Variants in STAG1 observed in about 807,000 individuals in gnomAD.
STAG1 encodes the protein cohesin subunit SA-1.
Under a neutral mutation model 170.9 loss-of-function variants are expected in STAG1, and 26 were observed. That is an observed-to-expected ratio of 0.15 (90% CI 0.11 to 0.21). STAG1 has a LOEUF of 0.21. Among genes scored for constraint, STAG1 ranks in the 10% least tolerant of loss-of-function variants. The pLI is 1.00. For synonymous variants in STAG1, 514 were observed against 497.7 expected (o/e 1.03, Z -0.44); for missense variants, 964 against 1,509.5 (o/e 0.64, Z 5.99).
intron 1 of STAG1, among the ~76,000 whole-genome samples, chr3:136,734,124 C>CA (rs1451738600): frequency 1.2e-4 from 17 of 143,044 alleles, no homozygotes; most frequent in South Asian, 2.2e-4. Context: ...AAAAAAAAAA[C>CA]AAAACAAAAC....
At chr3:136,693,279 C>T (rs1342275563) in intron 1 of STAG1, among the ~76,000 whole-genome samples, 2 of 152,168 alleles carry the variant, frequency 1.3e-5, no homozygotes, top group African/African-American at 2.4e-5. Context: ...ATTCCAACAC[C>T]GTGGCTGGTT....
intron 20 of STAG1, among the ~76,000 whole-genome samples, chr3:136,420,172 G>C (rs2087908750): frequency 6.6e-6 from 1 of 150,566 alleles, no homozygotes; most frequent in African/African-American, 2.4e-5. Context: ...ACTTAAGCCT[G>C]GAAGGCGGCA....
At chr3:136,365,330 C>G (rs1302634596) in intron 25 of STAG1, among the ~76,000 whole-genome samples, 1 of 152,050 alleles carries the variant, frequency 6.6e-6, no homozygotes, top group Non-Finnish European at 1.5e-5. Context: ...TCAAGTTGTT[C>G]CGAATTGAAT....
chr3:136,385,845 A>G (rs933076706), intron 22 of STAG1, among the ~76,000 whole-genome samples: 1 of 151,960 alleles, frequency 6.6e-6, no homozygotes, highest in Non-Finnish European at 1.5e-5. Context: ...GGGAATATAG[A>G]TGTGTGCTAC....
intron 4 of STAG1, among the ~76,000 whole-genome samples, chr3:136,578,251 T>G (rs1243219683): frequency 3.3e-5 from 5 of 152,078 alleles, no homozygotes; most frequent in Non-Finnish European, 7.4e-5. Flanking sequence ...CACTTAACCA[T>G]CAAAGACCAA....
At chr3:136,685,027 A>G (rs1426502417) in intron 1 of STAG1, among the ~76,000 whole-genome samples, 1 of 151,928 alleles carries the variant, frequency 6.6e-6, no homozygotes, top group Non-Finnish European at 1.5e-5. Context: ...AAAATTAAGA[A>G]CTCTTGGCTG....
At chr3:136,530,079 G>T (rs1271276933) in intron 6 of STAG1, among the ~76,000 whole-genome samples, 1 of 151,928 alleles carries the variant, frequency 6.6e-6, no homozygotes, top group Non-Finnish European at 1.5e-5. Context: ...AAGTGAGCAA[G>T]AACAGCTATA....
intron 13 of STAG1, among the ~76,000 whole-genome samples, chr3:136,458,514 G>A (rs2089183001): frequency 6.6e-6 from 1 of 151,972 alleles, no homozygotes; most frequent in South Asian, 2.1e-4. Context: ...TAATCACAAA[G>A]CAATGTCTAT....
chr3:136,399,910 T>C (rs1034512782), intron 21 of STAG1, among the ~76,000 whole-genome samples: 2 of 152,172 alleles, frequency 1.3e-5, no homozygotes, highest in African/African-American at 4.8e-5. Context: ...AATAAAACTT[T>C]CTGAAAAGAA....
chr3:136,664,766 G>A (rs1428026099), intron 1 of STAG1, among the ~76,000 whole-genome samples: 1 of 152,102 alleles, frequency 6.6e-6, no homozygotes, highest in Non-Finnish European at 1.5e-5. Flanking sequence ...CCAAGAGAAA[G>A]ACCTGTGGAT....
chr3:136,453,081 C>T (rs1254460369), intron 13 of STAG1, among the ~76,000 whole-genome samples: 1 of 152,048 alleles, frequency 6.6e-6, no homozygotes, highest in African/African-American at 2.4e-5. Context: ...ATTTCACAGT[C>T]ATGTAATTAT....
At chr3:136,564,906 AGGTAAATCTTCATGACCTTGAATTT>A (rs1194770648) in intron 5 of STAG1, among the ~76,000 whole-genome samples, 1 of 151,062 alleles carries the variant, frequency 6.6e-6, no homozygotes, top group African/African-American at 2.4e-5. Context: ...GGAAACATAG[AGGTAAATCTTCATGACCTTGAATTT>A]GGCAATGGAT....
At chr3:136,351,669 A>AG (rs2108270907) in intron 28 of STAG1, among the ~76,000 whole-genome samples, 1 of 152,328 alleles carries the variant, frequency 6.6e-6, no homozygotes, top group African/African-American at 2.4e-5. Context: ...CTAGGAAGCC[A>AG]GGCTTAAAAA....
chr3:136,612,178 C>G (rs138110673), intron 3 of STAG1, among the ~76,000 whole-genome samples: 177 of 152,190 alleles, frequency 1.2e-3, no homozygotes, highest in African/African-American at 2.5e-3. Flanking sequence ...GCTATATGTT[C>G]GGATTCAGAA....
chr3:136,586,537 A>C (rs973467592), intron 4 of STAG1, among the ~76,000 whole-genome samples: 9 of 152,258 alleles, frequency 5.9e-5, no homozygotes, highest in African/African-American at 1.9e-4. Flanking sequence ...GGTGTAACTG[A>C]ACAGAGGCTA....
At position 136,637,596 on chromosome 3, in the gene STAG1, T is replaced by G. The variant is rs559556133; in HGVS notation, c.-83-6615A>C. On this transcript the variant is annotated intron_variant, in intron 1 of 33. Transcript: ENST00000383202. ...TGTAAGAGTAATTTAAGAGTTTCGGTTCTGGGGCTCAATTACCTGAGTTCT... is the reference window on the plus strand; with the variant it reads ...TGTAAGAGTAATTTAAGAGTTTCGGGTCTGGGGCTCAATTACCTGAGTTCT... Among the ~76,000 whole-genome samples the G allele has an allele frequency of 2.5e-4, 38 of 152,248 alleles. No homozygotes were observed. The South Asian group carries it at 5.2e-3, about 21-fold the overall frequency.
chr3:136,569,214 T>A (rs1937180665), intron 4 of STAG1, among the ~76,000 whole-genome samples: 1 of 151,876 alleles, frequency 6.6e-6, no homozygotes, highest in Non-Finnish European at 1.5e-5. Context: ...ACTTTCTGAG[T>A]TATCAGAAAG....
intron 4 of STAG1, among the ~76,000 whole-genome samples, chr3:136,597,933 C>G (rs940740870): frequency 6.6e-6 from 1 of 152,052 alleles, no homozygotes; most frequent in Admixed American, 6.6e-5. Flanking sequence ...ATAACCTTTA[C>G]AAGCTAAGGA....
chr3:136,598,142 C>G (rs1259165090), intron 4 of STAG1, among the ~76,000 whole-genome samples: 1 of 152,170 alleles, frequency 6.6e-6, no homozygotes, highest in Non-Finnish European at 1.5e-5. Context: ...ATAAAACCTT[C>G]TGGTCCTAAA....
Sources: gnomAD v4.1 joint callset for allele counts (sites outside exome capture counted in the v4.1 genomes callset) on GRCh38, gnomAD v4.1.1 for gene constraint, MANE v1.5 for transcripts, NCBI Gene and HGNC (gene_info 2026-07-23, HGNC 2026-07-21) for gene names.